ABCA6: variants seen among roughly 807,000 people sequenced by gnomAD.
ABCA6 encodes ATP binding cassette subfamily A member 6, also known as ATP-binding cassette sub-family A member 6.
A neutral mutation model predicts 191.2 loss-of-function variants in ABCA6; 164 were observed. The ratio of observed to expected loss-of-function variants is 0.86; its 90% CI spans 0.76 to 0.98. The LOEUF is 0.98. Among genes scored for constraint, ABCA6 ranks in the 50% least tolerant of loss-of-function variants. The pLI is 0.00. For missense variants in ABCA6, 1,958 were observed against 1,894.1 expected, an observed-to-expected ratio of 1.03 and a Z score of -0.63; for synonymous variants, 636 against 647.7, an observed-to-expected ratio of 0.98 and a Z score of 0.27.
At chr17:69,090,659 G>T (rs1469519768) in intron 26 of ABCA6, among the ~76,000 whole-genome samples, 1 of 152,156 alleles carries the variant, frequency 6.6e-6, no homozygotes, top group Non-Finnish European at 1.5e-5. Context: ...GTGCTATCTT[G>T]CTCATCAGGT....
chr17:69,111,127 G>T, intron 16 of ABCA6, 187 bp from the exon 17 acceptor site: 1 of 482,272 alleles, frequency 2.1e-6, no homozygotes, highest in Non-Finnish European at 3.6e-6. Context: ...TATGGAAAAT[G>T]TATAAGCTCA....
intron 15 of ABCA6, 63 bp downstream of exon 15, chr17:69,113,159 T>C (rs766940975): frequency 1.9e-4 from 297 of 1,545,172 alleles, no homozygotes; most frequent in Admixed American, 2.9e-4. Context: ...ACCCTGGGAA[T>C]AGACCTCGCT....
intron 27 of ABCA6, among the ~76,000 whole-genome samples, chr17:69,089,038 T>A (rs1207642364): frequency 6.6e-6 from 1 of 152,220 alleles, no homozygotes; most frequent in Non-Finnish European, 1.5e-5. Flanking sequence ...CTTTATTTTC[T>A]CCTGTACCTA....
chr17:69,103,001 AAAGT>A (rs1233024238), intron 20 of ABCA6, 33 bp from the exon 21 acceptor site: 2 of 1,333,020 alleles, frequency 1.5e-6, no homozygotes, highest in African/African-American at 3.0e-5. Flanking sequence ...AGGCCATAGA[AAAGT>A]AAGAAAATAC....
At chr17:69,121,879 T>C (rs2073653855) in intron 10 of ABCA6, among the ~76,000 whole-genome samples, 1 of 152,104 alleles carries the variant, frequency 6.6e-6, no homozygotes, top group Non-Finnish European at 1.5e-5. Flanking sequence ...AGAAATTTTC[T>C]ATGGAGCTGG....
At chr17:69,086,343 C>T (rs1244433064) in intron 30 of ABCA6, among the ~76,000 whole-genome samples, 1 of 152,054 alleles carries the variant, frequency 6.6e-6, no homozygotes, top group Non-Finnish European at 1.5e-5. Context: ...TTTATGGATG[C>T]ATTCACTGGC....
At position 69,080,388 on chromosome 17, in the gene ABCA6, A is replaced by G. The variant is rs1306798283; in HGVS notation, c.4696+678T>C. Among the ~76,000 whole-genome samples, 5 of 152,138 alleles carry G rather than the reference A, an allele frequency of 3.3e-5. No homozygotes were observed. In the East Asian group the frequency reaches 5.8e-4, roughly 18 times the overall value. On this transcript the variant is annotated intron_variant, in intron 37 of 38. Coordinates refer to ENST00000284425, the MANE Select transcript of ABCA6 (RefSeq NM_080284.3). ...CTGAGAACCCAGAAAGATGGGCTCTAAAGTTTGAGCTCTTCACCATTATGC... is the reference window on the plus strand; with the variant it reads ...CTGAGAACCCAGAAAGATGGGCTCTGAAGTTTGAGCTCTTCACCATTATGC...
At chr17:69,119,476 A>G (rs1252617972) in intron 10 of ABCA6, among the ~76,000 whole-genome samples, 4 of 151,990 alleles carry the variant, frequency 2.6e-5, no homozygotes, top group Admixed American at 1.3e-4. Context: ...ATTCCCCTAG[A>G]ATCCATGCTT....
Position 69,100,952 on chromosome 17 carries a change from T to G in ABCA6, c.2875-18A>C, listed in dbSNP as rs771209194. 2.6e-6 allele frequency: 4 copies of G among 1,552,782 alleles called. No individual in the cohort carries two copies. Among genetic ancestry groups the G allele is most frequent in the Non-Finnish European group, 3.5e-6 (4 of 1,142,074 alleles). On this transcript the variant is annotated intron_variant, in intron 21 of 38. Coordinates refer to ENST00000284425, the MANE Select transcript of ABCA6 (RefSeq NM_080284.3). Reference sequence around the variant, plus strand: ...CTATAATCCTTAAAACAGAAACAAATAAATAATGTTAATGCTAAATTCTTA... The same window carrying G: ...CTATAATCCTTAAAACAGAAACAAAGAAATAATGTTAATGCTAAATTCTTA...
chr17:69,104,403 G>C (rs534300139), intron 20 of ABCA6: 1 of 152,180 alleles, frequency 6.6e-6, no homozygotes, highest in South Asian at 2.1e-4. Flanking sequence ...AGGTAGTGAG[G>C]TGAATAAAAT....
In ABCA6 at chr17:69,082,991, G is replaced by A; in HGVS notation, c.4498C>T (p.Leu1500=). The A allele has an allele frequency of 1.2e-6, 2 of 1,614,152 alleles. No homozygotes were observed. Among genetic ancestry groups the A allele is most frequent in the Non-Finnish European group, 1.7e-6 (2 of 1,180,022 alleles). ...RLRCIGSIQH[L]KNKLGKDYIL... ...TAATCCTTGCCAAGTTTGTTTTTCA[G>A]GTGTTGGATGGAGCCAATGCATCTA... The change falls in exon 36 of 39, where the codon CTG becomes TTG. Residue 1500 remains leucine, a synonymous_variant. Transcript: ENST00000284425.
At chr17:69,128,485 A>C (rs2073796095) in intron 8 of ABCA6, 134 bp downstream of exon 8, 1 of 568,688 alleles carries the variant, frequency 1.8e-6, no homozygotes, top group Admixed American at 4.2e-5. Flanking sequence ...ATGTAATAAT[A>C]ACATTTTAAA....
chr17:69,112,998 T>TA (rs34141662), intron 15 of ABCA6: 2,897 of 330,524 alleles, frequency 8.8e-3, no homozygotes, highest in Middle Eastern at 0.012. Context: ...ACAGCTGATC[T>TA]AAAAAAAAAA....
chr17:69,087,644 G>A lies in ABCA6; in HGVS notation c.3699-171C>T, dbSNP rs1283705030. On this transcript the variant is annotated intron_variant, in intron 28 of 38. Coordinates refer to ENST00000284425, the MANE Select transcript of ABCA6 (RefSeq NM_080284.3). ...TTTGCCAAGAACTCCTGTCCCACTA[G>A]CCAGAATCCTTTTCTTAATGTTGTT... is the stretch of plus-strand genomic sequence containing the variant. 3.7e-6 allele frequency: 3 copies of A among 804,792 alleles called. No homozygotes were observed. In the African/African-American group the frequency reaches 5.2e-5, roughly 14 times the overall value. The allele number at this position is 804,792 out of a possible 1,614,324, so 49.9% of individuals were successfully genotyped here.
intron 11 of ABCA6, 61 bp downstream of exon 11, chr17:69,117,837 T>C: frequency 7.9e-7 from 1 of 1,269,406 alleles, no homozygotes; most frequent in Non-Finnish European, 1.1e-6. Flanking sequence ...CATTGAATGT[T>C]TCCCTTTTTT....
At chr17:69,110,226 T>C (rs957308651) in intron 17 of ABCA6, 2 of 152,224 alleles carry the variant, frequency 1.3e-5, no homozygotes, top group African/African-American at 4.8e-5. Context: ...AATGGGGGGC[T>C]ACCTTACAAA....
In ABCA6 at chr17:69,136,199, A is replaced by G; in HGVS notation, c.353T>C (p.Leu118Pro). The part of the protein sequence containing the change: ...PNKTHMDEIL[L>P]ENLPYAMGII... ...TCCCATAGCATATGGTAAATTTTCCAGAAGTATTTCGTCCATGTGTGTTTT... is the reference window on the plus strand; with the variant it reads ...TCCCATAGCATATGGTAAATTTTCCGGAAGTATTTCGTCCATGTGTGTTTT... Residue 118 changes from leucine to proline, a missense_variant, in exon 4 of 39, where the codon CTG (leucine) becomes CCG (proline). Transcript: ENST00000284425. The G allele has an allele frequency of 6.3e-7, 1 of 1,599,360 alleles. No individual in the cohort carries two copies.
At chr17:69,100,550 C>T (rs7214079) in intron 22 of ABCA6, among the ~76,000 whole-genome samples, 39,681 of 151,936 alleles carry the variant, frequency 0.26, 5,883 homozygotes, top group East Asian at 0.58. Context: ...CAAGTATGTA[C>T]AACTTTTCAA....
intron 20 of ABCA6, 37 bp from the exon 21 acceptor site, chr17:69,103,005 T>G: frequency 7.7e-7 from 1 of 1,304,828 alleles, no homozygotes; most frequent in East Asian, 2.4e-5. Context: ...CATAGAAAAG[T>G]AAGAAAATAC....
Sources: gnomAD v4.1 joint callset for allele counts (sites outside exome capture counted in the v4.1 genomes callset) on GRCh38, gnomAD v4.1.1 for gene constraint, MANE v1.5 for transcripts, NCBI Gene and HGNC (gene_info 2026-07-23, HGNC 2026-07-21) for gene names.